The following SIAH3 variants were observed in gnomAD, a reference collection of about 807,000 sequenced individuals.
SIAH3 encodes seven in absentia homolog 3.
Under a neutral mutation model 12.6 loss-of-function variants are expected in SIAH3, and 9 were observed. That is an observed-to-expected ratio of 0.72 (90% CI 0.43 to 1.25). The LOEUF (loss-of-function observed/expected upper bound fraction) is 1.25, where lower values mean the gene tolerates loss of function less well. Among genes scored for constraint, SIAH3 ranks in the 50% most tolerant of loss-of-function variants. The pLI is 0.00. For synonymous variants in SIAH3, 154 were observed against 151.1 expected (o/e 1.02, Z -0.14); for missense variants, 390 against 365.4 (o/e 1.07, Z -0.55).
At chr13:45,825,311 G>A (rs1466321947) in intron 1 of SIAH3, among the ~76,000 whole-genome samples, 6 of 152,120 alleles carry the variant, frequency 3.9e-5, no homozygotes, top group Non-Finnish European at 7.4e-5. Context: ...ATTACAATCA[G>A]CCTTGATGGC....
chr13:45,802,132 C>T (rs1566089791), intron 1 of SIAH3, among the ~76,000 whole-genome samples: 1 of 151,924 alleles, frequency 6.6e-6, no homozygotes, highest in Non-Finnish European at 1.5e-5. Flanking sequence ...ATGGTGAAAC[C>T]CCATCTCTAC....
intron 1 of SIAH3, among the ~76,000 whole-genome samples, chr13:45,803,422 G>C (rs1487464644): frequency 1.3e-5 from 2 of 152,170 alleles, no homozygotes; most frequent in Non-Finnish European, 2.9e-5. Context: ...AGGAATGTGT[G>C]ATAAATGCTA....
intron 1 of SIAH3, among the ~76,000 whole-genome samples, chr13:45,788,455 C>T (rs1353397948): frequency 1.3e-5 from 2 of 152,156 alleles, no homozygotes; most frequent in Non-Finnish European, 1.5e-5. Context: ...GTTTAACTTC[C>T]CATTTGGAAG....
rs1473460727 is a variant in SIAH3 at position 45,778,006 on chromosome 13, G to A, written c.*5377C>T. 1 of 152,220 alleles carries A rather than the reference G, an allele frequency of 6.6e-6. No individual in the cohort carries two copies. The highest frequency in any genetic ancestry group is 1.5e-5 in the Non-Finnish European group (1 of 68,048). The allele number at this position is 152,220 out of a possible 1,614,324, so 9.4% of individuals were successfully genotyped here. ...AGAGTATTGGTCTGGGTAGGCTATG[G>A]ATTGTGAACAGGGTCCTTACTGGGT... On this transcript the variant is annotated 3_prime_UTR_variant, in exon 2 of 2. Transcript: ENST00000400405.
intron 1 of SIAH3, among the ~76,000 whole-genome samples, chr13:45,801,487 G>A (rs952046686): frequency 6.6e-6 from 1 of 152,134 alleles, no homozygotes; most frequent in African/African-American, 2.4e-5. Context: ...TAAGAAAGAC[G>A]GAAGGAGTTT....
At chr13:45,801,529 A>C (rs1006835265) in intron 1 of SIAH3, among the ~76,000 whole-genome samples, 2 of 152,218 alleles carry the variant, frequency 1.3e-5, no homozygotes, top group Non-Finnish European at 2.9e-5. Context: ...TGTCCTGGAT[A>C]TGTGACCATG....
chr13:45,825,043 G>A (rs1327834581), intron 1 of SIAH3, among the ~76,000 whole-genome samples: 5 of 152,106 alleles, frequency 3.3e-5, no homozygotes, highest in East Asian at 1.9e-4. Flanking sequence ...TGACAGTATC[G>A]TGGGTGCTTA....
At chr13:45,784,776 C>T (rs1393147139) in intron 1 of SIAH3, among the ~76,000 whole-genome samples, 2 of 152,194 alleles carry the variant, frequency 1.3e-5, no homozygotes, top group Non-Finnish European at 2.9e-5. Flanking sequence ...AGAATCTCCC[C>T]ATCATCTGTT....
intron 1 of SIAH3, among the ~76,000 whole-genome samples, chr13:45,814,825 C>A (rs141441318): frequency 6.6e-6 from 1 of 151,992 alleles, no homozygotes; most frequent in African/African-American, 2.4e-5. Context: ...CGGGCTCAAG[C>A]GATTCTCCAG....
At chr13:45,805,831 G>A (rs916056820) in intron 1 of SIAH3, among the ~76,000 whole-genome samples, 1 of 152,110 alleles carries the variant, frequency 6.6e-6, no homozygotes, top group African/African-American at 2.4e-5. Context: ...CTATGCATCT[G>A]ACAACAGTCT....
chr13:45,841,103 C>T (rs556541314), intron 1 of SIAH3, among the ~76,000 whole-genome samples: 4 of 152,254 alleles, frequency 2.6e-5, no homozygotes, highest in African/African-American at 9.6e-5. Context: ...TGTTTAGCTG[C>T]CTTGGCCTAG....
intron 1 of SIAH3, among the ~76,000 whole-genome samples, chr13:45,820,308 G>A (rs1333783623): frequency 1.3e-5 from 2 of 152,140 alleles, no homozygotes; most frequent in Admixed American, 1.3e-4. Context: ...TGACGAGTGA[G>A]CCAGGCTACC....
At chr13:45,822,584 TTAA>T (rs769823013) in intron 1 of SIAH3, among the ~76,000 whole-genome samples, 2 of 137,994 alleles carry the variant, frequency 1.4e-5, no homozygotes, top group African/African-American at 2.7e-5. Context: ...AAAAATGGTA[TTAA>T]TAATGATTGC....
At chr13:45,792,213 A>T (rs886567720) in intron 1 of SIAH3, among the ~76,000 whole-genome samples, 5 of 152,144 alleles carry the variant, frequency 3.3e-5, no homozygotes, top group African/African-American at 1.2e-4. Context: ...GGGTTGGGGT[A>T]TAAGCAGAGC....
At chr13:45,786,116 G>A (rs980374647) in intron 1 of SIAH3, among the ~76,000 whole-genome samples, 2 of 152,072 alleles carry the variant, frequency 1.3e-5, no homozygotes, top group Admixed American at 1.3e-4. Context: ...GATTTGGTCG[G>A]GGGGGTTTCT....
chr13:45,796,929 T>C (rs1028367958), intron 1 of SIAH3, among the ~76,000 whole-genome samples: 5 of 152,130 alleles, frequency 3.3e-5, no homozygotes, highest in African/African-American at 1.2e-4. Flanking sequence ...ATAAAAATCT[T>C]AGGCTTGGGG....
intron 1 of SIAH3, among the ~76,000 whole-genome samples, chr13:45,845,154 G>C (rs1474665680): frequency 6.6e-6 from 1 of 150,998 alleles, no homozygotes; most frequent in African/African-American, 2.4e-5. Flanking sequence ...ACATTGTGTA[G>C]AGACTTTCAG....
intron 1 of SIAH3, among the ~76,000 whole-genome samples, chr13:45,816,103 T>C (rs941476781): frequency 2.6e-5 from 4 of 152,218 alleles, no homozygotes; most frequent in South Asian, 2.1e-4. Flanking sequence ...GGAGGCACGA[T>C]TGGAGCCCAG....
intron 1 of SIAH3, among the ~76,000 whole-genome samples, chr13:45,786,223 G>A (rs7992632): frequency 0.42 from 64,119 of 151,850 alleles, 14,020 homozygotes; most frequent in East Asian, 0.7. Context: ...CTGCAGGGCC[G>A]GTAGGCAGGC....
Sources: allele counts gnomAD v4.1 joint callset (sites outside exome capture counted in the v4.1 genomes callset), GRCh38; gene constraint gnomAD v4.1.1; transcripts MANE v1.5; gene names NCBI Gene and HGNC (gene_info 2026-07-23, HGNC 2026-07-21).